Variants in ANO3 observed in about 807,000 individuals in gnomAD.
ANO3 encodes the protein anoctamin 3, also known as anoctamin-3.
ANO3 carries 99 observed loss-of-function variants against 144.8 expected under a neutral mutation model. The observed-to-expected ratio is 0.68, with a 90% CI of 0.58 to 0.81. ANO3 has a LOEUF of 0.81. ANO3 is among the 30% of genes least tolerant of loss of function. The pLI is 0.00. For synonymous variants in ANO3, 414 were observed against 392.6 expected (o/e 1.05, Z -0.64); for missense variants, 905 against 1,202.2 (o/e 0.75, Z 3.66).
At position 26,463,123 on chromosome 11, in the gene ANO3, C is replaced by A. The variant is rs199574429; in HGVS notation, c.407C>A (p.Ser136Tyr). The change falls in exon 4 of 27, where the codon TCT becomes TAT. Residue 136 changes from serine (S) to tyrosine (Y), a missense_variant. Coordinates refer to ENST00000256737, the MANE Select transcript of ANO3 (RefSeq NM_031418.4). ...LINDFVIKDK[S>Y]EFKTKLSKND... Reference sequence around the variant, plus strand: ...AATGACTTTGTTATCAAAGATAAATCTGAATTCAAGACAAAATTATCTAAG... The same window carrying A: ...AATGACTTTGTTATCAAAGATAAATATGAATTCAAGACAAAATTATCTAAG... The A allele has an allele frequency of 4.9e-4, 777 of 1,583,028 alleles. No homozygotes were observed. Among genetic ancestry groups the A allele is most frequent in the Non-Finnish European group, 6.3e-4 (737 of 1,162,118 alleles).
intron 1 of ANO3, among the ~76,000 whole-genome samples, chr11:26,303,823 G>T (rs899082108): frequency 2.0e-5 from 3 of 152,128 alleles, no homozygotes; most frequent in African/African-American, 7.2e-5. Context: ...AGGTTCAAGT[G>T]ATTCTCCTGC....
chr11:26,205,879 A>G (rs897599305), intron 1 of ANO3, among the ~76,000 whole-genome samples: 1 of 152,224 alleles, frequency 6.6e-6, no homozygotes, highest in Non-Finnish European at 1.5e-5. Context: ...AGAAAATACA[A>G]AAGCCTTTTA....
rs187919892 is a variant in ANO3, at chr11:26,466,941, A to G, written c.432+3793A>G. Reference sequence around the variant, plus strand: ...ATATTCACAGCATGCATTTAATTCTATGGAGCCCAAGTATATTTTAAATAG... The same window carrying G: ...ATATTCACAGCATGCATTTAATTCTGTGGAGCCCAAGTATATTTTAAATAG... On this transcript the variant is annotated intron_variant, in intron 4 of 26. Coordinates refer to ENST00000256737, the MANE Select transcript of ANO3 (RefSeq NM_031418.4). Among the ~76,000 whole-genome samples, 36 of 152,130 alleles carry G rather than the reference A, an allele frequency of 2.4e-4. No individual in the cohort carries two copies. The East Asian group carries it at 2.7e-3, about 11-fold the overall frequency.
At chr11:26,622,755 T>C (rs535930391) in intron 17 of ANO3, among the ~76,000 whole-genome samples, 89 of 152,374 alleles carry the variant, frequency 5.8e-4, no homozygotes, top group Non-Finnish European at 1.0e-3. Context: ...CACAACTTAG[T>C]TTCTTCTTCT....
chr11:26,531,433 A>G, intron 8 of ANO3, 97 bp downstream of exon 8: 1 of 1,357,280 alleles, frequency 7.4e-7, no homozygotes, highest in South Asian at 1.5e-5. Context: ...TTGTTTACCA[A>G]ATACGTCAGA....
At chr11:26,606,597 C>CT (rs34594509) in intron 17 of ANO3, among the ~76,000 whole-genome samples, 1,858 of 147,798 alleles carry the variant, frequency 0.013, 41 homozygotes, top group African/African-American at 0.041. Flanking sequence ...GCAATCCCTG[C>CT]TTTTTTTTTT....
At chr11:26,562,882 A>G (rs1391688784) in intron 14 of ANO3, among the ~76,000 whole-genome samples, 2 of 151,920 alleles carry the variant, frequency 1.3e-5, no homozygotes, top group Non-Finnish European at 2.9e-5. Flanking sequence ...TATTATTTAA[A>G]ACCAATTTTG....
intron 3 of ANO3, among the ~76,000 whole-genome samples, chr11:26,462,713 GA>G (rs1859457589): frequency 6.8e-6 from 1 of 147,468 alleles, no homozygotes; most frequent in African/African-American, 2.7e-5. Flanking sequence ...TTCAAAACAT[GA>G]TGATTTTTTT....
In ANO3 at chr11:26,213,910, A is replaced by G. The variant is rs1391536883; in HGVS notation, c.154+24580A>G. 3.3e-5 allele frequency among the ~76,000 whole-genome samples: 5 copies of G among 152,050 alleles called. No individual in the cohort carries two copies. The East Asian group carries it at 9.6e-4, about 29-fold the overall frequency. ...GGACTATTGCAAATCATTGAAGTTT[A>G]GTTATTTGAATTTGCATTTATCTCT... On this transcript the variant is annotated intron_variant, in intron 1 of 27. Transcript: ENST00000672621.
chr11:26,363,114 A>G (rs1855971411), intron 1 of ANO3, among the ~76,000 whole-genome samples: 1 of 152,148 alleles, frequency 6.6e-6, no homozygotes, highest in African/African-American at 2.4e-5. Context: ...ACTTGTGTCT[A>G]TTTTACAGAT....
intron 1 of ANO3, among the ~76,000 whole-genome samples, chr11:26,259,837 C>A (rs1399342771): frequency 1.3e-5 from 2 of 151,974 alleles, no homozygotes; most frequent in African/African-American, 2.4e-5. Flanking sequence ...AAGAAAATTA[C>A]TCTTACTTAC....
intron 1 of ANO3, among the ~76,000 whole-genome samples, chr11:26,407,062 G>GTA (rs1293215860): frequency 0.024 from 1,517 of 64,080 alleles, 18 homozygotes; most frequent in Admixed American, 0.047. Context: ...GTGTGTGTGT[G>GTA]TGTGTGTGTG....
chr11:26,410,459 A>T (rs895439722), intron 1 of ANO3, among the ~76,000 whole-genome samples: 1 of 151,936 alleles, frequency 6.6e-6, no homozygotes, highest in Non-Finnish European at 1.5e-5. Context: ...TGAGCAGATT[A>T]TACTATAATG....
At chr11:26,593,760 C>A (rs868196539) in intron 14 of ANO3, among the ~76,000 whole-genome samples, 9 of 151,938 alleles carry the variant, frequency 5.9e-5, no homozygotes, top group Non-Finnish European at 1.2e-4. Context: ...GCAGTGGAAG[C>A]AAGCCCTATT....
chr11:26,589,841 C>G (rs1565126374), intron 14 of ANO3, among the ~76,000 whole-genome samples: 1 of 152,182 alleles, frequency 6.6e-6, no homozygotes. Flanking sequence ...TCATTTCTTT[C>G]TATTGCTGAA....
intron 4 of ANO3, among the ~76,000 whole-genome samples, chr11:26,487,922 C>A (rs1484708829): frequency 6.6e-6 from 1 of 152,182 alleles, no homozygotes; most frequent in Non-Finnish European, 1.5e-5. Context: ...AATCCCAGTA[C>A]TTTGGGAGGC....
At chr11:26,541,813 G>A (rs1040666345) in intron 10 of ANO3, 134 bp from the exon 11 acceptor site, 5 of 697,686 alleles carry the variant, frequency 7.2e-6, no homozygotes, top group Admixed American at 3.6e-5. Context: ...TCATTCCAGC[G>A]ATGGGCTTAA....
chr11:26,580,853 G>C (rs1002909265), intron 14 of ANO3, among the ~76,000 whole-genome samples: 1 of 152,154 alleles, frequency 6.6e-6, no homozygotes, highest in African/African-American at 2.4e-5. Flanking sequence ...AAAATGGTTA[G>C]TAAATATTAT....
intron 1 of ANO3, among the ~76,000 whole-genome samples, chr11:26,431,941 GAATAGT>G (rs1858106582): frequency 6.6e-6 from 1 of 152,220 alleles, no homozygotes; most frequent in African/African-American, 2.4e-5. Flanking sequence ...TCGCTGGTTT[GAATAGT>G]AATTCTTTTT....
Sources: allele counts gnomAD v4.1 joint callset (sites outside exome capture counted in the v4.1 genomes callset), GRCh38; gene constraint gnomAD v4.1.1; transcripts MANE v1.5; gene names NCBI Gene and HGNC (gene_info 2026-07-23, HGNC 2026-07-21).